ACVR1: variants seen among roughly 807,000 people sequenced by gnomAD.
The protein encoded by ACVR1 is activin receptor type-1.
ACVR1 carries 38 observed loss-of-function variants against 57.1 expected under a neutral mutation model. That is an observed-to-expected ratio of 0.67 (90% CI 0.51 to 0.87). The LOEUF (loss-of-function observed/expected upper bound fraction) is 0.87, where lower values mean the gene tolerates loss of function less well. Ranked by LOEUF, ACVR1 falls within the 40% of genes least tolerant of loss-of-function variation. The pLI, the probability that ACVR1 is intolerant of heterozygous loss-of-function variation, is 0.00. For synonymous variants in ACVR1, 212 were observed against 228.1 expected (o/e 0.93, Z 0.63); for missense variants, 463 against 638.2 (o/e 0.73, Z 2.96).
At chr2:157,840,720 G>A (rs1446706654) in intron 1 of ACVR1, among the ~76,000 whole-genome samples, 1 of 152,268 alleles carries the variant, frequency 6.6e-6, no homozygotes, top group Non-Finnish European at 1.5e-5. Context: ...AAAAAGGCCA[G>A]GAAGCCAGCA....
intron 1 of ACVR1, among the ~76,000 whole-genome samples, chr2:157,819,146 T>C (rs1019302105): frequency 6.6e-6 from 1 of 150,494 alleles, no homozygotes; most frequent in African/African-American, 2.4e-5. Flanking sequence ...TCAAGTTCTT[T>C]TAAAGCCTAT....
Position 157,766,094 on chromosome 2 carries a change from G to C in ACVR1, c.893C>G (p.Thr298Ser), listed in dbSNP as rs772263790. 1.9e-6 allele frequency: 3 copies of C among 1,614,144 alleles called. No individual in the cohort carries two copies. The highest frequency in any genetic ancestry group is 3.3e-5 in the Admixed American group (2 of 60,016). Residue 298 changes from threonine to serine, a missense_variant, in exon 8 of 11, where the codon ACT becomes AGT. Transcript: ENST00000434821. ...AAGGCAGCTAACTGTATCCAGAGTA[G>C]TAAGCTGAAGATAGTCGTACAACGA... ...MGSLYDYLQLTTLDTVSCLRI... is the reference protein window; with the variant it reads ...MGSLYDYLQLSTLDTVSCLRI...
intron 2 of ACVR1, among the ~76,000 whole-genome samples, chr2:157,816,698 C>G (rs1687952182): frequency 6.6e-6 from 1 of 152,136 alleles, no homozygotes; most frequent in Non-Finnish European, 1.5e-5. Flanking sequence ...CAGAGACTTT[C>G]CTCAAAAGCG....
At chr2:157,771,508 A>T (rs1185919279) in intron 6 of ACVR1, among the ~76,000 whole-genome samples, 3 of 152,214 alleles carry the variant, frequency 2.0e-5, no homozygotes, top group Non-Finnish European at 2.9e-5. Context: ...CAGCCTAGAT[A>T]ACAAGGCAAG....
intron 3 of ACVR1, among the ~76,000 whole-genome samples, chr2:157,791,641 C>A (rs1330562990): frequency 6.6e-6 from 1 of 152,070 alleles, no homozygotes; most frequent in Admixed American, 6.6e-5. Context: ...CACAGAGAGG[C>A]GAAGGAGAAT....
At chr2:157,820,290 G>A (rs898036752) in intron 1 of ACVR1, among the ~76,000 whole-genome samples, 3 of 152,110 alleles carry the variant, frequency 2.0e-5, no homozygotes, top group African/African-American at 4.8e-5. Flanking sequence ...AAACAAACTC[G>A]CACCCGCAAA....
chr2:157,799,297 C>A (rs953638844), intron 3 of ACVR1, 130 bp downstream of exon 3: 12 of 667,706 alleles, frequency 1.8e-5, no homozygotes, highest in Non-Finnish European at 2.7e-5. Flanking sequence ...TCAAAATAGT[C>A]AATAATCACC....
intron 1 of ACVR1, among the ~76,000 whole-genome samples, chr2:157,837,357 T>C (rs1688817738): frequency 6.6e-6 from 1 of 152,168 alleles, no homozygotes; most frequent in African/African-American, 2.4e-5. Flanking sequence ...AGCACAGCCT[T>C]ACCTGGCCCA....
intron 9 of ACVR1, among the ~76,000 whole-genome samples, chr2:157,747,508 A>T (rs556484556): frequency 2.6e-5 from 4 of 152,144 alleles, no homozygotes; most frequent in Admixed American, 1.3e-4. Flanking sequence ...AAGCAAGATT[A>T]AAAAAAATAC....
chr2:157,846,176 AGAG>A (rs1385873742), intron 1 of ACVR1, among the ~76,000 whole-genome samples: 1 of 152,250 alleles, frequency 6.6e-6, no homozygotes, highest in Non-Finnish European at 1.5e-5. Context: ...TTAACTTCAC[AGAG>A]GAGAAGGCAG....
chr2:157,848,056 GT>G (rs1689177748), intron 1 of ACVR1, among the ~76,000 whole-genome samples: 1 of 152,192 alleles, frequency 6.6e-6, no homozygotes, highest in Non-Finnish European at 1.5e-5. Flanking sequence ...TCAATGTAAT[GT>G]AACCTGGGTG....
At chr2:157,854,199 T>TAAAAAAA (rs398060692) in intron 1 of ACVR1, among the ~76,000 whole-genome samples, 52 of 118,486 alleles carry the variant, frequency 4.4e-4, no homozygotes, top group African/African-American at 1.5e-3. Flanking sequence ...CCTAAAGGAG[T>TAAAAAAA]AAAAAAAAAA....
intron 6 of ACVR1, among the ~76,000 whole-genome samples, chr2:157,772,022 G>A (rs1427737691): frequency 1.3e-5 from 2 of 152,024 alleles, no homozygotes; most frequent in African/African-American, 4.8e-5. Flanking sequence ...TTGTCATTAG[G>A]GATGAGAGCA....
At chr2:157,810,402 C>T (rs1034719518) in intron 2 of ACVR1, among the ~76,000 whole-genome samples, 26 of 152,268 alleles carry the variant, frequency 1.7e-4, no homozygotes, top group Non-Finnish European at 2.4e-4. Context: ...GTGTGCCAGG[C>T]CCCATTCCTT....
chr2:157,795,796 G>T (rs114479659), intron 3 of ACVR1, among the ~76,000 whole-genome samples: 2 of 149,284 alleles, frequency 1.3e-5, no homozygotes, highest in African/African-American at 2.5e-5. Context: ...CCCTTTTTCC[G>T]CCCCACTCTT....
rs1160478939 is a variant in ACVR1 at position 157,787,845 on chromosome 2, GTGGCTTTTGTGCT to G, written c.68-7258_68-7246del. On this transcript the variant is annotated intron_variant, in intron 3 of 10. Coordinates refer to ENST00000434821, the MANE Select transcript of ACVR1 (RefSeq NM_001111067.4). ...AGAACAGTGGAGAAAAAGCCAGCAG[GTGGCTTTTGTGCT>G]TAGCTCTCCACTTCAATTTCTCTTC... Among the ~76,000 whole-genome samples the G allele has an allele frequency of 4.6e-5, 7 of 152,204 alleles. No individual in the cohort carries two copies. The East Asian group carries it at 1.4e-3, about 29-fold the overall frequency.
At chr2:157,742,364 G>A (rs978165372) in intron 9 of ACVR1, among the ~76,000 whole-genome samples, 3 of 152,184 alleles carry the variant, frequency 2.0e-5, no homozygotes, top group Non-Finnish European at 1.5e-5. Context: ...AGGAAGGCAG[G>A]GGAAGAGGCG....
At chr2:157,774,956 A>G (rs1175411256) in intron 5 of ACVR1, among the ~76,000 whole-genome samples, 2 of 152,238 alleles carry the variant, frequency 1.3e-5, no homozygotes, top group Admixed American at 1.3e-4. Flanking sequence ...CTCACTAAGT[A>G]TCTGTCAAAT....
chr2:157,739,632 G>GAC (rs376823223), intron 9 of ACVR1, among the ~76,000 whole-genome samples: 2,809 of 152,298 alleles, frequency 0.018, 74 homozygotes, highest in African/African-American at 0.061. Flanking sequence ...GACAGAAGGA[G>GAC]TGTGAGGAAA....
Sources: gnomAD v4.1 joint callset for allele counts (sites outside exome capture counted in the v4.1 genomes callset) on GRCh38, gnomAD v4.1.1 for gene constraint, MANE v1.5 for transcripts, NCBI Gene and HGNC (gene_info 2026-07-23, HGNC 2026-07-21) for gene names.